The following PAM variants were observed in gnomAD, a reference collection of about 807,000 sequenced individuals.
PAM encodes the protein peptidyl-glycine alpha-amidating monooxygenase.
A neutral mutation model predicts 122.1 loss-of-function variants in PAM; 72 were observed. That is an observed-to-expected ratio of 0.59 (90% confidence interval 0.49 to 0.72). PAM has a LOEUF of 0.72. PAM is among the 30% of genes least tolerant of loss of function. The pLI, the probability that PAM is intolerant of heterozygous loss-of-function variation, is 0.00. For missense variants in PAM, 1,106 were observed against 1,183.7 expected, an observed-to-expected ratio of 0.93 and a Z score of 0.96; for synonymous variants, 389 against 404.4, an observed-to-expected ratio of 0.96 and a Z score of 0.46.
At chr5:103,016,726 T>C (rs537436560) in intron 21 of PAM, among the ~76,000 whole-genome samples, 1 of 152,318 alleles carries the variant, frequency 6.6e-6, no homozygotes, top group African/African-American at 2.4e-5. Context: ...TTCTTTCCTT[T>C]GCTGACTGAA....
At chr5:102,869,094 C>T (rs1786519783) in intron 3 of PAM, among the ~76,000 whole-genome samples, 2 of 152,180 alleles carry the variant, frequency 1.3e-5, no homozygotes, top group Admixed American at 1.3e-4. Flanking sequence ...CTGGTTGCCT[C>T]CTTGCTCCTT....
At chr5:102,849,265 A>T (rs1215881312) in intron 1 of PAM, among the ~76,000 whole-genome samples, 1 of 152,158 alleles carries the variant, frequency 6.6e-6, no homozygotes, top group Non-Finnish European at 1.5e-5. Flanking sequence ...TCTAGTAAAA[A>T]GAAAAAGGTG....
At chr5:102,792,983 C>T (rs1762439357) in intron 1 of PAM, among the ~76,000 whole-genome samples, 1 of 152,084 alleles carries the variant, frequency 6.6e-6, no homozygotes, top group Non-Finnish European at 1.5e-5. Context: ...TTTTTCATTC[C>T]TCTAAAAAAA....
At chr5:102,991,746 T>A (rs976105700) in intron 16 of PAM, among the ~76,000 whole-genome samples, 3 of 152,182 alleles carry the variant, frequency 2.0e-5, no homozygotes, top group African/African-American at 7.2e-5. Context: ...AACTCAACAT[T>A]CTCATTCATA....
At chr5:102,982,114 G>T (rs945624443) in intron 15 of PAM, among the ~76,000 whole-genome samples, 3 of 151,948 alleles carry the variant, frequency 2.0e-5, no homozygotes, top group African/African-American at 7.3e-5. Flanking sequence ...ATTGTCCAGG[G>T]ATCTGAGGAT....
intron 1 of PAM, among the ~76,000 whole-genome samples, chr5:102,804,877 C>G (rs1765787680): frequency 6.6e-6 from 1 of 152,144 alleles, no homozygotes; most frequent in African/African-American, 2.4e-5. Context: ...TCTGAATTGG[C>G]ACTTGCCATG....
chr5:103,010,423 C>T (rs985023892), intron 21 of PAM, among the ~76,000 whole-genome samples: 4 of 152,118 alleles, frequency 2.6e-5, no homozygotes, highest in Admixed American at 6.5e-5. Context: ...TTCTAACGTG[C>T]TTTTTATAAA....
At chr5:102,889,506 C>A (rs895543457) in intron 3 of PAM, among the ~76,000 whole-genome samples, 2 of 151,774 alleles carry the variant, frequency 1.3e-5, no homozygotes, top group Non-Finnish European at 2.9e-5. Context: ...CTTAACCTAG[C>A]CGTCTTTGTC....
At chr5:102,802,790 C>A (rs78758721) in intron 1 of PAM, among the ~76,000 whole-genome samples, 1 of 151,954 alleles carries the variant, frequency 6.6e-6, no homozygotes, top group African/African-American at 2.4e-5. Context: ...TGATAACTAC[C>A]GTTTATGGAG....
At chr5:102,988,644 A>C (rs2150747642) in intron 15 of PAM, among the ~76,000 whole-genome samples, 1 of 141,548 alleles carries the variant, frequency 7.1e-6, no homozygotes, top group Admixed American at 6.8e-5. Flanking sequence ...AAAAGAAGGA[A>C]AGGAAAGGGA....
chr5:102,853,912 T>G (rs1185566945), intron 1 of PAM, among the ~76,000 whole-genome samples: 1 of 152,244 alleles, frequency 6.6e-6, no homozygotes, highest in Non-Finnish European at 1.5e-5. Flanking sequence ...ATATGTGACA[T>G]GAAGTAAAAA....
At chr5:102,970,860 G>C (rs547778257) in intron 14 of PAM, among the ~76,000 whole-genome samples, 1 of 152,124 alleles carries the variant, frequency 6.6e-6, no homozygotes, top group East Asian at 1.9e-4. Context: ...GGGCTGGAGT[G>C]CAGTGGCGTG....
At chr5:102,801,079 T>G (rs1764598596) in intron 1 of PAM, among the ~76,000 whole-genome samples, 1 of 152,190 alleles carries the variant, frequency 6.6e-6, no homozygotes, top group African/African-American at 2.4e-5. Flanking sequence ...TTTGTGAGTT[T>G]GCATTAATAA....
intron 1 of PAM, among the ~76,000 whole-genome samples, chr5:102,836,935 CTGCTCACCTCACA>C (rs1305163828): frequency 1.4e-5 from 2 of 140,940 alleles, no homozygotes; most frequent in African/African-American, 5.6e-5. Context: ...TGAGGGAAAG[CTGCTCACCTCACA>C]GGAAGGCTGA....
intron 23 of PAM, 141 bp from the exon 24 acceptor site, chr5:103,024,990 G>T: frequency 1.7e-6 from 1 of 605,304 alleles, no homozygotes; most frequent in Non-Finnish European, 2.9e-6. Flanking sequence ...GGTAGATTCA[G>T]GTATTAAAAC....
chr5:102,793,730 T>C (rs1467988789), intron 1 of PAM, among the ~76,000 whole-genome samples: 1 of 152,208 alleles, frequency 6.6e-6, no homozygotes, highest in Non-Finnish European at 1.5e-5. Flanking sequence ...TAAAACACTT[T>C]TGAAAATATT....
rs947792228 is a variant in PAM, at chr5:102,827,665, A to ATTTTT, written c.-373-38130_-373-38126dup. Among the ~76,000 whole-genome samples, 58 of 35,558 alleles carry ATTTTT rather than the reference A, an allele frequency of 1.6e-3. 5 individuals carry two copies. The highest frequency in any genetic ancestry group is 3.8e-3 in the East Asian group (3 of 788). 23.3% of individuals were successfully genotyped at this position (35,558 alleles called of 152,430 possible). On this transcript the variant is annotated intron_variant, in intron 1 of 25. Coordinates refer to ENST00000438793, the MANE Select transcript of PAM (RefSeq NM_001177306.2). Reference sequence around the variant, plus strand: ...ACAATATCTTTTGAAGCTCACTATGATTTTTTTTTTTTTTTTTTTTTTTTT... The same window carrying ATTTTT: ...ACAATATCTTTTGAAGCTCACTATGATTTTTTTTTTTTTTTTTTTTTTTTTTTTTT...
chr5:102,998,879 G>A (rs749840508), intron 16 of PAM, among the ~76,000 whole-genome samples: 6 of 152,148 alleles, frequency 3.9e-5, no homozygotes, highest in Non-Finnish European at 7.3e-5. Context: ...CTTAAACCTT[G>A]CATTAGTTCC....
chr5:102,851,126 T>C (rs1781267562), intron 1 of PAM, among the ~76,000 whole-genome samples: 2 of 152,220 alleles, frequency 1.3e-5, no homozygotes, highest in African/African-American at 4.8e-5. Context: ...TATTATTTTA[T>C]GTGCATAAAA....
Sources: gnomAD v4.1 joint callset for allele counts (sites outside exome capture counted in the v4.1 genomes callset) on GRCh38, gnomAD v4.1.1 for gene constraint, MANE v1.5 for transcripts, NCBI Gene and HGNC (gene_info 2026-07-23, HGNC 2026-07-21) for gene names.